IFT80: variants seen among roughly 807,000 people sequenced by gnomAD.
IFT80 encodes the protein intraflagellar transport 80.
Under a neutral mutation model 107.9 loss-of-function variants are expected in IFT80, and 79 were observed. The observed-to-expected ratio is 0.73, with a 90% confidence interval of 0.61 to 0.88. The LOEUF (loss-of-function observed/expected upper bound fraction) is 0.88, where lower values mean the gene tolerates loss of function less well. Among genes scored for constraint, IFT80 ranks in the 40% least tolerant of loss-of-function variants. The pLI is 0.00. For missense variants in IFT80, 797 were observed against 914.2 expected, an observed-to-expected ratio of 0.87 and a Z score of 1.65; for synonymous variants, 299 against 300.9, an observed-to-expected ratio of 0.99 and a Z score of 0.07.
intron 12 of IFT80, among the ~76,000 whole-genome samples, chr3:160,299,480 A>T (rs2108265137): frequency 6.6e-6 from 1 of 152,322 alleles, no homozygotes; most frequent in East Asian, 1.9e-4. Context: ...GATATATATT[A>T]ACAGAGAGAA....
intron 1 of IFT80, among the ~76,000 whole-genome samples, chr3:160,397,157 A>AT (rs1166770672): frequency 6.6e-6 from 1 of 151,520 alleles, no homozygotes; most frequent in Non-Finnish European, 1.5e-5. Flanking sequence ...AAAGCTATAG[A>AT]TTTTTACCCC....
chr3:160,376,735 C>G (rs1364361754), intron 4 of IFT80, among the ~76,000 whole-genome samples: 1 of 152,206 alleles, frequency 6.6e-6, no homozygotes, highest in Non-Finnish European at 1.5e-5. Context: ...GAGACACCAG[C>G]TGTCCTATTT....
intron 1 of IFT80, among the ~76,000 whole-genome samples, chr3:160,392,048 G>A (rs2108421288): frequency 6.6e-6 from 1 of 152,318 alleles, no homozygotes; most frequent in Admixed American, 6.5e-5. Flanking sequence ...AGGCAGCATT[G>A]ATACAGACTT....
intron 8 of IFT80, among the ~76,000 whole-genome samples, chr3:160,320,399 T>C (rs1300522040): frequency 6.6e-6 from 1 of 151,790 alleles, no homozygotes; most frequent in Non-Finnish European, 1.5e-5. Context: ...TCTTAAATCA[T>C]GAAATTACAC....
chr3:160,375,793 T>C lies in IFT80; in HGVS notation c.439+19A>G. 1 of 1,588,828 alleles carries C rather than the reference T, an allele frequency of 6.3e-7. No homozygotes were observed. The highest frequency in any genetic ancestry group is 8.6e-7 in the Non-Finnish European group (1 of 1,158,614). Reference sequence around the variant, plus strand: ...ATTGTATAATTTGCAAAAATGAAATTGTCAATTGTAAAACATACCTTGCTG... The same window carrying C: ...ATTGTATAATTTGCAAAAATGAAATCGTCAATTGTAAAACATACCTTGCTG... On this transcript the variant is annotated intron_variant, in intron 5 of 19. Transcript: ENST00000326448.
chr3:160,372,108 G>A (rs12233589), intron 5 of IFT80, among the ~76,000 whole-genome samples: 18,831 of 152,050 alleles, frequency 0.12, 1,941 homozygotes, highest in African/African-American at 0.28. Context: ...TGAACATCTG[G>A]CTCCAATAGT....
At chr3:160,295,664 T>C (rs2108259566) in intron 12 of IFT80, among the ~76,000 whole-genome samples, 1 of 152,234 alleles carries the variant, frequency 6.6e-6, no homozygotes. Flanking sequence ...CTGAAAGAAC[T>C]GAAATCAGGA....
intron 9 of IFT80, among the ~76,000 whole-genome samples, chr3:160,315,720 G>A (rs1456367120): frequency 6.6e-6 from 1 of 152,026 alleles, no homozygotes; most frequent in Non-Finnish European, 1.5e-5. Flanking sequence ...TGTAAACTGG[G>A]AATATGGAGA....
chr3:160,261,455 A>G (rs924648260), intron 19 of IFT80, among the ~76,000 whole-genome samples: 19 of 148,436 alleles, frequency 1.3e-4, no homozygotes, highest in African/African-American at 4.5e-4. Flanking sequence ...AACAAAAAAT[A>G]TATCTAGTAT....
At chr3:160,323,707 A>T (rs1295400689) in intron 8 of IFT80, among the ~76,000 whole-genome samples, 1 of 152,138 alleles carries the variant, frequency 6.6e-6, no homozygotes, top group Non-Finnish European at 1.5e-5. Context: ...CTAACATCAC[A>T]ATTAAAAGAA....
At chr3:160,259,401 T>C (rs911414012) in intron 19 of IFT80, among the ~76,000 whole-genome samples, 8 of 152,118 alleles carry the variant, frequency 5.3e-5, no homozygotes, top group Non-Finnish European at 8.8e-5. Context: ...TCACATCTTA[T>C]ATACTGCAGT....
chr3:160,282,300 T>C (rs1029715686), intron 14 of IFT80, among the ~76,000 whole-genome samples, 178 bp downstream of exon 14: 11 of 152,114 alleles, frequency 7.2e-5, no homozygotes, highest in South Asian at 2.1e-4. Flanking sequence ...AATAAAAATT[T>C]AAAAATAAAG....
chr3:160,284,379 G>T (rs1260642140), intron 13 of IFT80, among the ~76,000 whole-genome samples: 1 of 152,010 alleles, frequency 6.6e-6, no homozygotes, highest in Admixed American at 6.6e-5. Context: ...TACTCCTTTT[G>T]ATATGCTTAA....
intron 9 of IFT80, among the ~76,000 whole-genome samples, chr3:160,316,200 T>C (rs1717805367): frequency 6.6e-6 from 1 of 152,100 alleles, no homozygotes. Context: ...AGCTGCCCTA[T>C]GAAGAGGCCA....
At chr3:160,308,803 C>T (rs1044928341) in intron 9 of IFT80, among the ~76,000 whole-genome samples, 13 of 152,116 alleles carry the variant, frequency 8.5e-5, no homozygotes, top group African/African-American at 2.9e-4. Context: ...TATTTTGAAA[C>T]CTAATCACCA....
chr3:160,278,888 C>A lies in IFT80; in HGVS notation c.1836+305G>T, dbSNP rs987769502. Among the ~76,000 whole-genome samples, 4 of 152,100 alleles carry A rather than the reference C, an allele frequency of 2.6e-5. 1 individual carries two copies. The highest frequency in any genetic ancestry group is 5.9e-5 in the Non-Finnish European group (4 of 68,032). ...TTAAAAAATATGCCCAGGACTCAATCCAGATATAATGAATTAGAATCTCTA... is the reference window on the plus strand; with the variant it reads ...TTAAAAAATATGCCCAGGACTCAATACAGATATAATGAATTAGAATCTCTA... On this transcript the variant is annotated intron_variant, in intron 16 of 19. Transcript: ENST00000326448.
rs1721846002 is a variant in IFT80 at position 160,366,150 on chromosome 3, T to A, written c.442A>T (p.Thr148Ser). 1 of 1,605,890 alleles carries A rather than the reference T, an allele frequency of 6.2e-7. No homozygotes were observed. The highest frequency in any genetic ancestry group is 1.7e-5 in the Admixed American group (1 of 59,866). ...MLRSTLAQQG[T>S]PVYSVAWGPD... is the part of the protein sequence containing the mutation. ...CCCCACGCTACTGAATACACTGGTG[T>A]TCCTGTAAGATGAAAAAAGAAAAAA... Residue 148 changes from threonine to serine, a missense_variant and splice_region_variant, in exon 6 of 20, where the codon ACA becomes TCA. Thr to Ser is a moderately conservative substitution (Grantham distance 58). Transcript: ENST00000326448.
chr3:160,391,357 C>A (rs1431688194), intron 1 of IFT80, among the ~76,000 whole-genome samples: 1 of 152,106 alleles, frequency 6.6e-6, no homozygotes, highest in Non-Finnish European at 1.5e-5. Flanking sequence ...CTAAGGAACC[C>A]ATTTCATTAC....
At chr3:160,317,613 T>G (rs1717913647) in intron 9 of IFT80, among the ~76,000 whole-genome samples, 1 of 152,120 alleles carries the variant, frequency 6.6e-6, no homozygotes, top group Non-Finnish European at 1.5e-5. Flanking sequence ...ATACAGAATA[T>G]TATAATGGTT....
Sources: allele counts gnomAD v4.1 joint callset (sites outside exome capture counted in the v4.1 genomes callset), GRCh38; gene constraint gnomAD v4.1.1; transcripts MANE v1.5; gene names NCBI Gene and HGNC (gene_info 2026-07-23, HGNC 2026-07-21).